The following HDAC4 variants were observed in gnomAD, a reference collection of about 807,000 sequenced individuals.
The protein encoded by HDAC4 is histone deacetylase 4.
HDAC4 carries 16 observed loss-of-function variants against 135.1 expected under a neutral mutation model. The ratio of observed to expected loss-of-function variants is 0.12; its 90% CI spans 0.08 to 0.18. HDAC4 has a LOEUF of 0.18. HDAC4 is among the 10% of genes least tolerant of loss of function. The pLI, the probability that HDAC4 is intolerant of heterozygous loss-of-function variation, is 1.00. For synonymous variants in HDAC4, 685 were observed against 653.4 expected (o/e 1.05, Z -0.74); for missense variants, 1,143 against 1,511.8 (o/e 0.76, Z 4.05).
At chr2:239,271,616 T>C (rs934379787) in intron 2 of HDAC4, among the ~76,000 whole-genome samples, 46 of 152,152 alleles carry the variant, frequency 3.0e-4, no homozygotes, top group Non-Finnish European at 5.9e-5. Context: ...GATTATCGGG[T>C]AGACACTGTC....
chr2:239,272,249 A>C (rs1402675802), intron 2 of HDAC4, among the ~76,000 whole-genome samples: 1 of 152,206 alleles, frequency 6.6e-6, no homozygotes, highest in East Asian at 1.9e-4. Context: ...GTTCCAATCC[A>C]ATCCGAGTTC....
intron 25 of HDAC4, 135 bp from the exon 26 acceptor site, chr2:239,053,736 A>C: frequency 2.9e-6 from 2 of 697,194 alleles, no homozygotes; most frequent in Non-Finnish European, 4.8e-6. Context: ...CCCGTCTTTG[A>C]AGAGACACGA....
intron 4 of HDAC4, among the ~76,000 whole-genome samples, chr2:239,184,546 G>A (rs1338900861): frequency 6.9e-6 from 1 of 144,096 alleles, no homozygotes; most frequent in Non-Finnish European, 1.5e-5. Flanking sequence ...GCCCTATGGG[G>A]TGGTCCCTCA....
chr2:239,228,677 G>A (rs2047378527), intron 3 of HDAC4, among the ~76,000 whole-genome samples: 1 of 152,182 alleles, frequency 6.6e-6, no homozygotes, highest in East Asian at 1.9e-4. Context: ...AAGGGGGCAT[G>A]GGTATGAACA....
Position 239,216,253 on chromosome 2 carries a change from G to A in HDAC4, c.94+20340C>T, listed in dbSNP as rs140846075. ...ACTCACATATGTACATGTATATGTA[G>A]TATTTATGCGGAAGATTCCATTCAA... On this transcript the variant is annotated intron_variant, in intron 3 of 26. Coordinates refer to ENST00000543185, the MANE Select transcript of HDAC4 (RefSeq NM_001378414.1). 2.5e-3 allele frequency among the ~76,000 whole-genome samples: 373 copies of A among 151,904 alleles called. 2 individuals carry two copies. The highest frequency in any genetic ancestry group is 8.5e-3 in the African/African-American group (352 of 41,422).
intron 3 of HDAC4, among the ~76,000 whole-genome samples, chr2:239,222,440 TAAA>T (rs1397073523): frequency 7.3e-6 from 1 of 136,178 alleles, no homozygotes; most frequent in African/African-American, 2.8e-5. Flanking sequence ...GAGCTGAAAA[TAAA>T]AACCTGGCAT....
chr2:239,094,195 C>G (rs2036779338), intron 17 of HDAC4: 13 of 985,356 alleles, frequency 1.3e-5, no homozygotes, highest in African/African-American at 3.5e-5. Context: ...TGGCCCGGAT[C>G]TGCTCGGACG....
At chr2:239,205,914 G>C (rs1377802759) in intron 3 of HDAC4, among the ~76,000 whole-genome samples, 2 of 152,198 alleles carry the variant, frequency 1.3e-5, no homozygotes, top group Non-Finnish European at 2.9e-5. Flanking sequence ...AGCTCATGCA[G>C]TAACGTTTCA....
chr2:239,123,276 G>A (rs1031982928), intron 12 of HDAC4, among the ~76,000 whole-genome samples: 11 of 152,206 alleles, frequency 7.2e-5, no homozygotes, highest in African/African-American at 2.2e-4. Context: ...CCTGGCAGGC[G>A]CCCGACACGC....
At chr2:239,320,458 T>C (rs1177425661) in intron 2 of HDAC4, among the ~76,000 whole-genome samples, 1 of 150,670 alleles carries the variant, frequency 6.6e-6, no homozygotes, top group Non-Finnish European at 1.5e-5. Flanking sequence ...AATGGAATGC[T>C]GATCTCCACC....
chr2:239,103,960 C>G (rs1180486593), intron 15 of HDAC4, among the ~76,000 whole-genome samples: 2 of 152,182 alleles, frequency 1.3e-5, no homozygotes, highest in Non-Finnish European at 2.9e-5. Flanking sequence ...TGGGCAGGGA[C>G]GGATGCTCTG....
At chr2:239,132,769 A>G (rs930128282) in intron 11 of HDAC4, among the ~76,000 whole-genome samples, 1 of 152,258 alleles carries the variant, frequency 6.6e-6, no homozygotes, top group Non-Finnish European at 1.5e-5. Flanking sequence ...AAACTGATTT[A>G]GAGAAGGAAA....
chr2:239,294,090 A>G (rs2051699734), intron 2 of HDAC4, among the ~76,000 whole-genome samples: 1 of 152,200 alleles, frequency 6.6e-6, no homozygotes, highest in Non-Finnish European at 1.5e-5. Context: ...TGGGAGGAAG[A>G]GCAGCTCATT....
chr2:239,163,048 G>A (rs3828218), intron 6 of HDAC4, among the ~76,000 whole-genome samples: 7 of 151,632 alleles, frequency 4.6e-5, no homozygotes, highest in South Asian at 2.1e-4. Flanking sequence ...GTTTCAAGCC[G>A]CATCACCTCG....
chr2:239,161,602 A>G (rs1363790917), intron 6 of HDAC4, among the ~76,000 whole-genome samples: 1 of 152,180 alleles, frequency 6.6e-6, no homozygotes, highest in African/African-American at 2.4e-5. Flanking sequence ...AGGCTCCAGG[A>G]AAACAAACCT....
chr2:239,080,964 C>G, intron 22 of HDAC4, 131 bp downstream of exon 22: 1 of 676,410 alleles, frequency 1.5e-6, no homozygotes, highest in South Asian at 1.8e-5. Flanking sequence ...GAGACAGCTC[C>G]TCCGGACCCC....
At chr2:239,188,556 C>G (rs371029776) in intron 4 of HDAC4, among the ~76,000 whole-genome samples, 1 of 152,236 alleles carries the variant, frequency 6.6e-6, no homozygotes, top group African/African-American at 2.4e-5. Flanking sequence ...AGGTTGCATA[C>G]GGTCATAGGC....
intron 11 of HDAC4, among the ~76,000 whole-genome samples, chr2:239,133,112 C>A (rs574810325): frequency 6.6e-6 from 1 of 152,316 alleles, no homozygotes; most frequent in African/African-American, 2.4e-5. Context: ...AGGCACAAAA[C>A]AAAGATTGCG....
intron 3 of HDAC4, among the ~76,000 whole-genome samples, chr2:239,225,366 G>A (rs562462087): frequency 2.0e-5 from 3 of 152,322 alleles, no homozygotes; most frequent in East Asian, 1.9e-4. Context: ...AAGCATATCC[G>A]AATAAATGCA....
Sources: allele counts gnomAD v4.1 joint callset (sites outside exome capture counted in the v4.1 genomes callset), GRCh38; gene constraint gnomAD v4.1.1; transcripts MANE v1.5; gene names NCBI Gene and HGNC (gene_info 2026-07-23, HGNC 2026-07-21).